FTCDNL1: variants seen among roughly 807,000 people sequenced by gnomAD.
FTCDNL1 encodes formiminotransferase N-terminal subdomain-containing protein.
In FTCDNL1, 11 loss-of-function variants were observed where a neutral mutation model predicts 5.9. That is an observed-to-expected ratio of 1.87 (90% CI 1.18 to 3.10). The LOEUF (loss-of-function observed/expected upper bound fraction) is 3.10, where lower values mean the gene tolerates loss of function less well. Among genes scored for constraint, FTCDNL1 ranks in the 30% most tolerant of loss-of-function variants. FTCDNL1 has a pLI of 0.00. For missense variants in FTCDNL1, 115 were observed against 65.5 expected, an observed-to-expected ratio of 1.76 and a Z score of -2.61; for synonymous variants, 58 against 24.8, an observed-to-expected ratio of 2.34 and a Z score of -3.99.
At chr2:199,758,233 A>T (rs186717075), downstream of FTCDNL1, among the ~76,000 whole-genome samples, 66 of 152,094 alleles carry the variant, frequency 4.3e-4, no homozygotes, top group African/African-American at 8.7e-4. Context: ...GAAAAAAAAA[A>T]TTTTCAGACA....
the FTCDNL1 span, among the ~76,000 whole-genome samples, chr2:199,680,677 G>A: frequency 1.3e-5 from 2 of 152,194 alleles, no homozygotes; most frequent in South Asian, 4.1e-4. Context: ...GTCCAAGATT[G>A]CCATGGGCCG....
the FTCDNL1 span, among the ~76,000 whole-genome samples, chr2:199,696,448 G>A: frequency 2.0e-5 from 3 of 152,142 alleles, no homozygotes; most frequent in African/African-American, 7.2e-5. Context: ...CTTCAACACA[G>A]CAGGGCCTTA....
At chr2:199,694,091 T>A in the FTCDNL1 span, among the ~76,000 whole-genome samples, 3 of 152,064 alleles carry the variant, frequency 2.0e-5, no homozygotes, top group Admixed American at 1.3e-4. Context: ...AGGAAAGAAA[T>A]GTGAGAAAAA....
the FTCDNL1 span, among the ~76,000 whole-genome samples, chr2:199,737,646 G>A: frequency 6.6e-6 from 1 of 152,124 alleles, no homozygotes; most frequent in South Asian, 2.1e-4. Context: ...TGTGTGTCAC[G>A]CCTGGGGCCA....
At chr2:199,690,818 A>T in the FTCDNL1 span, among the ~76,000 whole-genome samples, 3 of 152,160 alleles carry the variant, frequency 2.0e-5, no homozygotes, top group Admixed American at 2.0e-4. Context: ...CTAAAGAAGG[A>T]ATTTCTGTTT....
chr2:199,707,376 T>C, the FTCDNL1 span, among the ~76,000 whole-genome samples: 1 of 151,980 alleles, frequency 6.6e-6, no homozygotes, highest in Non-Finnish European at 1.5e-5. Flanking sequence ...TATTAATATT[T>C]TCTATTACTT....
the FTCDNL1 span, among the ~76,000 whole-genome samples, chr2:199,665,099 C>T: frequency 0.014 from 2,148 of 152,306 alleles, 125 homozygotes; most frequent in Admixed American, 0.098. Context: ...TCTTCCCTTC[C>T]TTATCCTCTC....
chr2:199,682,231 A>C, the FTCDNL1 span, among the ~76,000 whole-genome samples: 3 of 152,176 alleles, frequency 2.0e-5, no homozygotes, highest in Non-Finnish European at 2.9e-5. Context: ...ATAGAACAGC[A>C]GACTATACTC....
At chr2:199,826,093 G>A (rs1702013912) in intron 3 of FTCDNL1, among the ~76,000 whole-genome samples, 1 of 152,176 alleles carries the variant, frequency 6.6e-6, no homozygotes, top group African/African-American at 2.4e-5. Context: ...GCCCTGCCCA[G>A]CTCTTTGCCT....
intron 3 of FTCDNL1, among the ~76,000 whole-genome samples, chr2:199,826,072 C>T (rs963987913): frequency 3.5e-4 from 54 of 152,222 alleles, no homozygotes; most frequent in Non-Finnish European, 1.8e-4. Flanking sequence ...CTACTAAATA[C>T]ATGTTTCCTG....
downstream of FTCDNL1, among the ~76,000 whole-genome samples, chr2:199,805,712 C>T (rs906876673): frequency 1.3e-5 from 2 of 151,982 alleles, no homozygotes; most frequent in Non-Finnish European, 2.9e-5. Context: ...GCACTCCATC[C>T]TGGGCAACAG....
chr2:199,677,043 C>G, the FTCDNL1 span, among the ~76,000 whole-genome samples: 1 of 152,166 alleles, frequency 6.6e-6, no homozygotes, highest in Admixed American at 6.6e-5. Context: ...AACACCGCTG[C>G]TCTGCTCATT....
the FTCDNL1 span, among the ~76,000 whole-genome samples, chr2:199,669,776 A>G: frequency 6.6e-6 from 1 of 152,188 alleles, no homozygotes; most frequent in Non-Finnish European, 1.5e-5. Flanking sequence ...GGAATGAACT[A>G]TTCTTACCTC....
At chr2:199,691,857 T>C in the FTCDNL1 span, among the ~76,000 whole-genome samples, 2 of 152,128 alleles carry the variant, frequency 1.3e-5, no homozygotes, top group African/African-American at 2.4e-5. Flanking sequence ...AAAAAACAAA[T>C]TATTAACCAA....
At chr2:199,688,678 T>C in the FTCDNL1 span, among the ~76,000 whole-genome samples, 135 of 152,318 alleles carry the variant, frequency 8.9e-4, no homozygotes, top group African/African-American at 3.0e-3. Flanking sequence ...CATTCCTTGC[T>C]TTGAGAAAGA....
chr2:199,775,471 C>T (rs1376810758), intron 3 of FTCDNL1, among the ~76,000 whole-genome samples: 1 of 152,184 alleles, frequency 6.6e-6, no homozygotes, highest in Non-Finnish European at 1.5e-5. Flanking sequence ...AGGGAAGCAA[C>T]TCCGTTAAGG....
At chr2:199,747,324 T>C in the FTCDNL1 span, among the ~76,000 whole-genome samples, 6 of 152,124 alleles carry the variant, frequency 3.9e-5, no homozygotes, top group Non-Finnish European at 7.3e-5. Flanking sequence ...TATAAATACA[T>C]GGATATACGT....
At chr2:199,837,843 C>G (rs898471409) in intron 3 of FTCDNL1, among the ~76,000 whole-genome samples, 1 of 152,094 alleles carries the variant, frequency 6.6e-6, no homozygotes, top group African/African-American at 2.4e-5. Context: ...TTAGTTGATA[C>G]GGCATTGTGC....
At chr2:199,757,995 G>A (rs1698128521), downstream of FTCDNL1, among the ~76,000 whole-genome samples, 2 of 152,056 alleles carry the variant, frequency 1.3e-5, no homozygotes, top group African/African-American at 4.8e-5. Flanking sequence ...TTGGCTAAAG[G>A]GGGCTGGGGA....
Sources: allele counts gnomAD v4.1 joint callset (sites outside exome capture counted in the v4.1 genomes callset), GRCh38; gene constraint gnomAD v4.1.1; transcripts MANE v1.5; gene names NCBI Gene and HGNC (gene_info 2026-07-23, HGNC 2026-07-21).